The following EMB variants were observed in gnomAD, a reference collection of about 807,000 sequenced individuals.
EMB encodes embigin.
In EMB, 31 loss-of-function variants were observed where a neutral mutation model predicts 41.4. That is an observed-to-expected ratio of 0.75 (90% CI 0.56 to 1.01). EMB has a LOEUF of 1.01. Among genes scored for constraint, EMB ranks in the 50% least tolerant of loss-of-function variants. The pLI is 0.00. For synonymous variants in EMB, 137 were observed against 140.4 expected, an observed-to-expected ratio of 0.98 and a Z score of 0.17; for missense variants, 379 against 388.3, an observed-to-expected ratio of 0.98 and a Z score of 0.20.
chr5:50,409,053 A>G (rs1168218602), intron 4 of EMB, among the ~76,000 whole-genome samples: 1 of 152,138 alleles, frequency 6.6e-6, no homozygotes, highest in South Asian at 2.1e-4. Flanking sequence ...CAACTAGAAA[A>G]GAAAAAAAAG....
chr5:50,419,314 T>C (rs1561136095), intron 2 of EMB, among the ~76,000 whole-genome samples: 1 of 152,184 alleles, frequency 6.6e-6, no homozygotes, highest in Middle Eastern at 3.2e-3. Flanking sequence ...CTTCTCTACC[T>C]TGATAAAAAG....
intron 1 of EMB, chr5:50,428,653 T>A (rs1579740766): frequency 2.0e-6 from 2 of 982,570 alleles, no homozygotes; most frequent in Admixed American, 6.2e-5. Context: ...AAAAAAAAAA[T>A]AGATAGCACT....
intron 2 of EMB, among the ~76,000 whole-genome samples, chr5:50,417,255 C>T (rs1360112023): frequency 6.6e-6 from 1 of 152,148 alleles, no homozygotes; most frequent in Non-Finnish European, 1.5e-5. Flanking sequence ...AACATGAGGC[C>T]AACACCCCTA....
chr5:50,424,155 C>A (rs886442965), intron 2 of EMB, among the ~76,000 whole-genome samples: 1 of 152,132 alleles, frequency 6.6e-6, no homozygotes, highest in African/African-American at 2.4e-5. Flanking sequence ...ATGCCCTGAT[C>A]ACCAATTTTG....
At chr5:50,443,331 A>G (rs924357627), upstream of EMB, 3 of 152,224 alleles carry the variant, frequency 2.0e-5, no homozygotes, top group African/African-American at 7.2e-5. Context: ...AGACGAAGAA[A>G]TTGGGGATTG....
intron 1 of EMB, among the ~76,000 whole-genome samples, chr5:50,437,380 G>A (rs1745822053): frequency 6.6e-6 from 1 of 152,176 alleles, no homozygotes; most frequent in Non-Finnish European, 1.5e-5. Context: ...AGTGCTGTCT[G>A]CCAAGCTTCT....
rs533389707 is a variant in EMB, at chr5:50,418,349, C to T, written c.197-6966G>A. Among the ~76,000 whole-genome samples the T allele has an allele frequency of 1.4e-3, 210 of 152,296 alleles. 4 individuals are homozygous for T. The highest frequency in any genetic ancestry group is 4.4e-3 in the African/African-American group (184 of 41,566). On this transcript the variant is annotated intron_variant, in intron 2 of 8. Transcript: ENST00000303221. ...CCAGAATCCGAACACCCTTCCCATC[C>T]GTGTAAGGTTTGGTGATAGGCAAAG...
At chr5:50,440,882 T>G (rs563769194) in intron 1 of EMB, among the ~76,000 whole-genome samples, 158 bp downstream of exon 1, 1 of 152,022 alleles carries the variant, frequency 6.6e-6, no homozygotes, top group Admixed American at 6.5e-5. Context: ...ACGTAGCTAA[T>G]GGGAGGCCGC....
chr5:50,431,701 C>T (rs1266689833), intron 1 of EMB, among the ~76,000 whole-genome samples: 1 of 152,208 alleles, frequency 6.6e-6, no homozygotes, highest in Non-Finnish European at 1.5e-5. Flanking sequence ...AGTTATCAAA[C>T]TCACCCTTTC....
At chr5:50,411,524 C>T (rs1476025989) in intron 2 of EMB, 141 bp from the exon 3 acceptor site, 2 of 612,354 alleles carry the variant, frequency 3.3e-6, no homozygotes, top group Non-Finnish European at 2.7e-6. Context: ...CCTCTATCAA[C>T]ATAGTTGGTT....
At chr5:50,404,018 C>T (rs895078420) in intron 5 of EMB, among the ~76,000 whole-genome samples, 2 of 151,842 alleles carry the variant, frequency 1.3e-5, no homozygotes, top group Non-Finnish European at 2.9e-5. Context: ...AACTGCACAC[C>T]TTCTGTCTTT....
chr5:50,409,193 G>A (rs551049793), intron 4 of EMB, among the ~76,000 whole-genome samples: 7 of 152,102 alleles, frequency 4.6e-5, no homozygotes, highest in Non-Finnish European at 8.8e-5. Flanking sequence ...GAGGCCTTCC[G>A]TGTGAATACT....
chr5:50,420,629 C>T (rs1170949874), intron 2 of EMB, among the ~76,000 whole-genome samples: 1 of 152,174 alleles, frequency 6.6e-6, no homozygotes, highest in East Asian at 1.9e-4. Flanking sequence ...ACTTACTTAT[C>T]CATTGCCTTT....
rs756695537 is a variant in EMB, at chr5:50,402,343, A to T, written c.878-24T>A. The T allele has an allele frequency of 9.3e-6, 15 of 1,606,308 alleles. No individual in the cohort carries two copies. The East Asian group carries it at 3.1e-4, about 33-fold the overall frequency. ...ATCTGTGTAACAAAAGAAGAATTTG[A>T]CTGTGAAGTTGGTTTGTCACTTTTA... On this transcript the variant is annotated intron_variant, in intron 6 of 8. Coordinates refer to ENST00000303221, the MANE Select transcript of EMB (RefSeq NM_198449.3).
chr5:50,409,184 A>G (rs1364712030), intron 4 of EMB, among the ~76,000 whole-genome samples: 4 of 152,146 alleles, frequency 2.6e-5, no homozygotes, highest in African/African-American at 9.7e-5. Flanking sequence ...GAGAATCAAG[A>G]GGCCTTCCGT....
chr5:50,428,925 T>C (rs1256089294), intron 1 of EMB, among the ~76,000 whole-genome samples: 1 of 152,136 alleles, frequency 6.6e-6, no homozygotes, highest in Non-Finnish European at 1.5e-5. Context: ...GATGGGAGTC[T>C]CACTCAGTTG....
intron 4 of EMB, among the ~76,000 whole-genome samples, chr5:50,410,190 A>C (rs373759958): frequency 6.6e-6 from 1 of 152,124 alleles, no homozygotes; most frequent in Admixed American, 6.6e-5. Context: ...TTTCCCAAAT[A>C]CCAGCACGAT....
intron 1 of EMB, among the ~76,000 whole-genome samples, chr5:50,432,677 A>T (rs1351731938): frequency 6.6e-6 from 1 of 151,742 alleles, no homozygotes; most frequent in Admixed American, 6.6e-5. Flanking sequence ...AAAGAGGAAA[A>T]AGGAAATAAG....
chr5:50,410,916 G>C lies in EMB; in HGVS notation c.433C>G (p.Arg145Gly). 6.2e-7 allele frequency: 1 copy of C among 1,604,674 alleles called. No individual in the cohort carries two copies. Among genetic ancestry groups the C allele is most frequent in the Non-Finnish European group, 8.5e-7 (1 of 1,176,394 alleles). ...GTTCCCCTTTGTTCCTTTTCCTCTC[G>C]AAAGAAACAAGAATAACTTCCCATT... ...KQMGSYSCFF[R>G]EEKEQRGTFN... The change falls in exon 4 of 9, where the codon CGA becomes GGA. Residue 145 changes from arginine to glycine, a missense_variant. Physicochemically the swap from Arg to Gly is moderately radical, Grantham distance 125. Coordinates refer to ENST00000303221, the MANE Select transcript of EMB (RefSeq NM_198449.3).
Sources: allele counts gnomAD v4.1 joint callset (sites outside exome capture counted in the v4.1 genomes callset), GRCh38; gene constraint gnomAD v4.1.1; transcripts MANE v1.5; gene names NCBI Gene and HGNC (gene_info 2026-07-23, HGNC 2026-07-21).